Variants in HNF1B observed in about 807,000 individuals in gnomAD.
HNF1B encodes HNF1 homeobox B.
HNF1B carries 8 observed loss-of-function variants against 61.7 expected under a neutral mutation model. That is an observed-to-expected ratio of 0.13 (90% CI 0.08 to 0.23). HNF1B has a LOEUF of 0.23. HNF1B is among the 10% of genes least tolerant of loss of function. The pLI is 1.00. For synonymous variants in HNF1B, 314 were observed against 287.7 expected (o/e 1.09, Z -0.93); for missense variants, 562 against 714.5 (o/e 0.79, Z 2.43).
At chr17:37,731,352 T>C (rs1163879185) in intron 4 of HNF1B, 1 of 627,960 alleles carries the variant, frequency 1.6e-6, no homozygotes, top group Non-Finnish European at 2.9e-6. Context: ...AGGAGACAAA[T>C]AGGGTAAAGG....
chr17:37,727,053 A>G (rs771630672), intron 4 of HNF1B, among the ~76,000 whole-genome samples: 2 of 152,208 alleles, frequency 1.3e-5, no homozygotes, highest in Non-Finnish European at 2.9e-5. Flanking sequence ...ATCACACAGC[A>G]GATACCACAG....
At chr17:37,721,545 T>G (rs1406453407) in intron 4 of HNF1B, among the ~76,000 whole-genome samples, 1 of 152,114 alleles carries the variant, frequency 6.6e-6, no homozygotes, top group Non-Finnish European at 1.5e-5. Flanking sequence ...AGGTCACCCT[T>G]GCTCATTGGT....
chr17:37,744,491 C>G (rs2034105263), intron 1 of HNF1B, 50 bp downstream of exon 1: 3 of 1,581,868 alleles, frequency 1.9e-6, no homozygotes, highest in Non-Finnish European at 2.6e-6. Flanking sequence ...GGCCCGGGGC[C>G]GGGGCTCCAG....
chr17:37,690,415 T>C (rs1327854086), intron 8 of HNF1B, among the ~76,000 whole-genome samples: 1 of 152,192 alleles, frequency 6.6e-6, no homozygotes, highest in African/African-American at 2.4e-5. Flanking sequence ...TGACAGGGGA[T>C]TGACATGCTT....
chr17:37,688,421 A>ACACT (rs1491325033), intron 8 of HNF1B, among the ~76,000 whole-genome samples: 1 of 150,018 alleles, frequency 6.7e-6, no homozygotes, highest in African/African-American at 2.5e-5. Context: ...ACACACACAC[A>ACACT]CTTACACCTA....
Position 37,717,776 on chromosome 17 carries a change from G to A in HNF1B, c.1046-7113C>T, listed in dbSNP as rs115633420. Among the ~76,000 whole-genome samples, 574 of 152,312 alleles carry A rather than the reference G, an allele frequency of 3.8e-3. 2 individuals are homozygous for A. The highest frequency in any genetic ancestry group is 0.013 in the African/African-American group (547 of 41,548). On this transcript the variant is annotated intron_variant, in intron 4 of 8. Transcript: ENST00000617811. ...GAGAACTCCAGAAATGAAAGCTTTC[G>A]AATGAGTTAGCATTGCTGCCTCAGT...
At chr17:37,703,010 A>ATACTC (rs2032622039) in intron 6 of HNF1B, among the ~76,000 whole-genome samples, 1 of 152,270 alleles carries the variant, frequency 6.6e-6, no homozygotes, top group Admixed American at 6.5e-5. Flanking sequence ...AGAGGTGAGA[A>ATACTC]TGAGTAGAGA....
chr17:37,726,472 C>T (rs956713236), intron 4 of HNF1B, among the ~76,000 whole-genome samples: 2 of 152,202 alleles, frequency 1.3e-5, no homozygotes, highest in East Asian at 1.9e-4. Flanking sequence ...GAATTCCTCT[C>T]GTTGAGTCAC....
intron 5 of HNF1B, among the ~76,000 whole-genome samples, chr17:37,705,491 G>T (rs916613583): frequency 6.6e-6 from 1 of 152,002 alleles, no homozygotes; most frequent in African/African-American, 2.4e-5. Flanking sequence ...GCCATTACAA[G>T]GTTTCTCTAC....
chr17:37,733,052 C>A (rs1328825628), intron 3 of HNF1B, among the ~76,000 whole-genome samples: 1 of 152,130 alleles, frequency 6.6e-6, no homozygotes, highest in Non-Finnish European at 1.5e-5. Context: ...CTGACCAATT[C>A]TTACTCTCCT....
rs566182704 is a variant in HNF1B at position 37,705,532 on chromosome 17, A to T, written c.1207-483T>A. ...CCACATCTCCAGTACACATTACAAAATTTTTTTTCTTTTTTGGTCAAGGAT... is the reference window on the plus strand; with the variant it reads ...CCACATCTCCAGTACACATTACAAATTTTTTTTTCTTTTTTGGTCAAGGAT... On this transcript the variant is annotated intron_variant, in intron 5 of 8. Transcript: ENST00000617811. Among the ~76,000 whole-genome samples, 39 of 151,970 alleles carry T rather than the reference A, an allele frequency of 2.6e-4. 1 individual carries two copies. The South Asian group carries it at 3.5e-3, about 14-fold the overall frequency.
chr17:37,743,703 G>A (rs1234024814), intron 1 of HNF1B, among the ~76,000 whole-genome samples: 5 of 152,260 alleles, frequency 3.3e-5, no homozygotes, highest in Middle Eastern at 3.2e-3. Flanking sequence ...GTCTAGGGCG[G>A]TCGGGGAGGA....
chr17:37,723,894 CAAGAGGCAAGCACAG>C (rs1333430551), intron 4 of HNF1B, among the ~76,000 whole-genome samples: 3 of 152,144 alleles, frequency 2.0e-5, no homozygotes, highest in African/African-American at 7.2e-5. Context: ...CTCCACACCT[CAAGAGGCAAGCACAG>C]AGATTCCAGA....
chr17:37,743,025 TTAA>T (rs2034045632), intron 1 of HNF1B, among the ~76,000 whole-genome samples: 1 of 152,096 alleles, frequency 6.6e-6, no homozygotes, highest in African/African-American at 2.4e-5. Context: ...TAGAAATAAA[TTAA>T]TAACACCCCA....
rs148634062 is a variant in HNF1B, at chr17:37,731,152, G to A, written c.1045+443C>T. On this transcript the variant is annotated intron_variant, in intron 4 of 8. Transcript: ENST00000617811. Reference sequence around the variant, plus strand: ...CTACTGAGCTTCTCCTGAGGCAGCCGGACCGAGCGAGGGGCAGGATATGGC... The same window carrying A: ...CTACTGAGCTTCTCCTGAGGCAGCCAGACCGAGCGAGGGGCAGGATATGGC... 1,000 of 244,752 alleles carry A rather than the reference G, an allele frequency of 4.1e-3. 11 individuals carry two copies. The highest frequency in any genetic ancestry group is 0.02 in the African/African-American group (917 of 45,260). The allele number at this position is 244,752 out of a possible 1,614,324, so 15.2% of individuals were successfully genotyped here. A position where few individuals can be genotyped will look rare whatever the true frequency, so the allele number is the denominator to read the frequency against.
chr17:37,740,175 G>C (rs552855052), intron 1 of HNF1B, among the ~76,000 whole-genome samples: 60 of 152,118 alleles, frequency 3.9e-4, no homozygotes, highest in African/African-American at 1.3e-3. Context: ...CACCATGTTG[G>C]CCAGGCTGGG....
intron 5 of HNF1B, among the ~76,000 whole-genome samples, chr17:37,705,891 C>G (rs145260685): frequency 1.3e-5 from 2 of 152,100 alleles, no homozygotes; most frequent in Non-Finnish European, 2.9e-5. Flanking sequence ...ATTATAAGGG[C>G]GCGATCAGTT....
rs5820231 is a variant in HNF1B, at chr17:37,690,003, GCACACACACACACA to G, written c.1654-2625_1654-2612del. On this transcript the variant is annotated intron_variant, in intron 8 of 8. Transcript: ENST00000617811. ...ATAATAAACAAGTAAACAAATGCGT[GCACACACACACACA>G]CACACACACACACACACACACACTA... 9.0e-3 allele frequency among the ~76,000 whole-genome samples: 1,336 copies of G among 148,874 alleles called. 25 individuals are homozygous for G. Among genetic ancestry groups the G allele is most frequent in the Admixed American group, 0.033 (491 of 14,928 alleles).
intron 2 of HNF1B, among the ~76,000 whole-genome samples, chr17:37,735,450 G>A (rs1043076664): frequency 4.6e-5 from 7 of 152,196 alleles, no homozygotes; most frequent in African/African-American, 1.7e-4. Flanking sequence ...TTTAACTGTG[G>A]ACTGATGGTG....
Sources: allele counts gnomAD v4.1 joint callset (sites outside exome capture counted in the v4.1 genomes callset), GRCh38; gene constraint gnomAD v4.1.1; transcripts MANE v1.5; gene names NCBI Gene and HGNC (gene_info 2026-07-23, HGNC 2026-07-21).